MED12L: variants seen among roughly 807,000 people sequenced by gnomAD.
The protein encoded by MED12L is mediator complex subunit 12L.
Under a neutral mutation model 281.3 loss-of-function variants are expected in MED12L, and 60 were observed. The ratio of observed to expected loss-of-function variants is 0.21; its 90% confidence interval spans 0.17 to 0.26. MED12L has a LOEUF of 0.26. MED12L is among the 10% of genes least tolerant of loss of function. The pLI, the probability that MED12L is intolerant of heterozygous loss-of-function variation, is 1.00. For synonymous variants in MED12L, 974 were observed against 987.2 expected, an observed-to-expected ratio of 0.99 and a Z score of 0.25; for missense variants, 2,146 against 2,680.9, an observed-to-expected ratio of 0.80 and a Z score of 4.41.
At chr3:151,199,500 A>G in intron 16 of MED12L, 2 of 900,970 alleles carry the variant, frequency 2.2e-6, no homozygotes, top group Admixed American at 5.1e-5. Flanking sequence ...TTTCTTTAAA[A>G]GACATTGGTC....
chr3:151,430,165 C>A, intron 43 of MED12L, 134 bp from the exon 44 acceptor site: 1 of 1,289,248 alleles, frequency 7.8e-7, no homozygotes, highest in Non-Finnish European at 1.1e-6. Flanking sequence ...TTAATCCACA[C>A]ACAGTTGTCA....
chr3:151,159,799 A>G (rs775559325), intron 7 of MED12L, 33 bp from the exon 8 acceptor site: 5 of 1,588,250 alleles, frequency 3.1e-6, no homozygotes, highest in Non-Finnish European at 4.3e-6. Context: ...CGCATAAGAC[A>G]TGACTGAAGT....
At chr3:151,208,515 TTAC>T (rs1357558748) in intron 16 of MED12L, among the ~76,000 whole-genome samples, 5 of 151,982 alleles carry the variant, frequency 3.3e-5, no homozygotes, top group Non-Finnish European at 5.9e-5. Flanking sequence ...AACCCCATCT[TTAC>T]TAAAAATACA....
At chr3:151,377,304 GATT>G (rs1331792263) in intron 30 of MED12L, 126 bp downstream of exon 30, 7 of 723,506 alleles carry the variant, frequency 9.7e-6, no homozygotes, top group African/African-American at 7.1e-5. Flanking sequence ...TGTAAGCAGG[GATT>G]ATTATTAATA....
chr3:151,167,909 C>G (rs1026022843), intron 11 of MED12L, among the ~76,000 whole-genome samples: 1 of 152,108 alleles, frequency 6.6e-6, no homozygotes, highest in East Asian at 1.9e-4. Context: ...GATTGTTTAG[C>G]TTCTTGCACT....
At chr3:151,310,697 C>G (rs1747385206) in intron 16 of MED12L, among the ~76,000 whole-genome samples, 1 of 152,092 alleles carries the variant, frequency 6.6e-6, no homozygotes, top group African/African-American at 2.4e-5. Flanking sequence ...CATTCTTTTT[C>G]CCAGGCTTCA....
At chr3:151,124,493 T>C (rs1714212577) in intron 4 of MED12L, among the ~76,000 whole-genome samples, 1 of 152,256 alleles carries the variant, frequency 6.6e-6, no homozygotes, top group Non-Finnish European at 1.5e-5. Context: ...TATCATCTTC[T>C]TGAGATGGTG....
chr3:151,223,085 A>G (rs577011382), intron 16 of MED12L, among the ~76,000 whole-genome samples: 1 of 152,120 alleles, frequency 6.6e-6, no homozygotes, highest in South Asian at 2.1e-4. Flanking sequence ...ATGGAGTAAT[A>G]ATCTCAGTGG....
chr3:151,383,121 T>C (rs960146421), intron 33 of MED12L, among the ~76,000 whole-genome samples: 1 of 152,258 alleles, frequency 6.6e-6, no homozygotes. Context: ...TGTCCAACTT[T>C]CCATCAAATT....
intron 27 of MED12L, among the ~76,000 whole-genome samples, chr3:151,373,743 T>C (rs1218914741): frequency 6.6e-6 from 1 of 152,292 alleles, no homozygotes; most frequent in East Asian, 1.9e-4. Flanking sequence ...ATTCATCCTA[T>C]CACATCATTT....
At chr3:151,253,659 G>A (rs996308005) in intron 16 of MED12L, among the ~76,000 whole-genome samples, 2 of 152,078 alleles carry the variant, frequency 1.3e-5, no homozygotes, top group African/African-American at 4.8e-5. Context: ...TTTTTTGTGA[G>A]GGGGTGGGTG....
At chr3:151,366,106 T>G in intron 23 of MED12L, 115 bp downstream of exon 23, 1 of 943,812 alleles carries the variant, frequency 1.1e-6, no homozygotes, top group South Asian at 3.2e-5. Context: ...TTATAAAATA[T>G]TTTTTCTTTC....
chr3:151,381,193 G>A (rs1397711948), intron 32 of MED12L, among the ~76,000 whole-genome samples: 2 of 152,068 alleles, frequency 1.3e-5, no homozygotes, highest in Non-Finnish European at 2.9e-5. Context: ...CCCTTCTTGT[G>A]GCACTGTGTT....
At chr3:151,410,869 T>C (rs1716856599) in intron 40 of MED12L, among the ~76,000 whole-genome samples, 1 of 152,218 alleles carries the variant, frequency 6.6e-6, no homozygotes, top group Non-Finnish European at 1.5e-5. Flanking sequence ...TGAGCATGGG[T>C]AGCTTTTCTA....
At chr3:151,265,686 A>C (rs1187616145) in intron 16 of MED12L, among the ~76,000 whole-genome samples, 1 of 152,196 alleles carries the variant, frequency 6.6e-6, no homozygotes, top group African/African-American at 2.4e-5. Flanking sequence ...GGCTTCTGGC[A>C]GTCCTCATAG....
At chr3:151,133,711 G>T (rs1408613011) in intron 5 of MED12L, among the ~76,000 whole-genome samples, 2 of 152,156 alleles carry the variant, frequency 1.3e-5, no homozygotes, top group Non-Finnish European at 2.9e-5. Context: ...TTCGGTTTCA[G>T]ATATTTTTAG....
chr3:151,164,613 T>C (rs564761737), intron 9 of MED12L, among the ~76,000 whole-genome samples: 1 of 152,268 alleles, frequency 6.6e-6, no homozygotes, highest in East Asian at 1.9e-4. Context: ...TGTCCAACAA[T>C]GATTGACTGG....
intron 16 of MED12L, among the ~76,000 whole-genome samples, chr3:151,329,265 C>G (rs1206912446): frequency 6.6e-6 from 1 of 152,134 alleles, no homozygotes; most frequent in Non-Finnish European, 1.5e-5. Flanking sequence ...GGTTCTGCCT[C>G]ATTCACAGGT....
chr3:151,369,408 G>A, intron 25 of MED12L, 28 bp from the exon 26 acceptor site: 1 of 1,438,144 alleles, frequency 7.0e-7, no homozygotes, highest in Non-Finnish European at 9.7e-7. Flanking sequence ...ATGGTAATGA[G>A]ACTATTAAAG....
Sources: gnomAD v4.1 joint callset for allele counts (sites outside exome capture counted in the v4.1 genomes callset) on GRCh38, gnomAD v4.1.1 for gene constraint, MANE v1.5 for transcripts, NCBI Gene and HGNC (gene_info 2026-07-23, HGNC 2026-07-21) for gene names.